ROBO1: variants seen among roughly 807,000 people sequenced by gnomAD.
The protein encoded by ROBO1 is roundabout homolog 1.
Under a neutral mutation model 195.9 loss-of-function variants are expected in ROBO1, and 149 were observed. That is an observed-to-expected ratio of 0.76 (90% CI 0.67 to 0.87). The LOEUF (loss-of-function observed/expected upper bound fraction) is 0.87, where lower values mean the gene tolerates loss of function less well. Ranked by LOEUF, ROBO1 falls within the 40% of genes least tolerant of loss-of-function variation. The probability of loss-of-function intolerance (pLI) is 0.00; values close to 1 mark genes in which losing one functional copy is unlikely to be tolerated. For missense variants in ROBO1, 1,933 were observed against 2,068.3 expected (o/e 0.93, Z 1.27); for synonymous variants, 816 against 733.2 (o/e 1.11, Z -1.82).
At chr3:79,264,174 T>C (rs2082991947) in intron 2 of ROBO1, among the ~76,000 whole-genome samples, 1 of 152,024 alleles carries the variant, frequency 6.6e-6, no homozygotes, top group Non-Finnish European at 1.5e-5. Flanking sequence ...TTCATCCTGC[T>C]TTTTCAACCC....
chr3:79,242,294 A>T (rs2082534172), intron 2 of ROBO1, among the ~76,000 whole-genome samples: 1 of 152,028 alleles, frequency 6.6e-6, no homozygotes, highest in African/African-American at 2.4e-5. Flanking sequence ...ATTCTCTTTT[A>T]TTTAACACAC....
At chr3:79,736,471 G>A (rs553152561) in intron 1 of ROBO1, among the ~76,000 whole-genome samples, 22 of 152,132 alleles carry the variant, frequency 1.4e-4, no homozygotes, top group Non-Finnish European at 2.8e-4. Flanking sequence ...CTATGGTGGG[G>A]AGGAACTAAC....
chr3:78,778,257 C>T (rs1232915058), intron 4 of ROBO1, among the ~76,000 whole-genome samples: 9 of 152,164 alleles, frequency 5.9e-5, no homozygotes, highest in South Asian at 4.1e-4. Context: ...AGAGGATTTT[C>T]GCATCGATGT....
At chr3:78,605,321 C>T (rs1703405807) in intron 29 of ROBO1, among the ~76,000 whole-genome samples, 2 of 152,152 alleles carry the variant, frequency 1.3e-5, no homozygotes, top group Non-Finnish European at 2.9e-5. Context: ...TATCTGCCTA[C>T]TCTCTAAGTA....
rs2077866311 is a variant in ROBO1, at chr3:79,014,332, G to A, written c.173-75405C>T. On this transcript the variant is annotated intron_variant, in intron 3 of 30. Coordinates refer to ENST00000464233, the MANE Select transcript of ROBO1 (RefSeq NM_002941.4). ...TACTAAAAATACAAAAACTAGCCTG[G>A]CATGGTGGTGGGCATCTGCAATTTC... is the stretch of plus-strand genomic sequence containing the variant. Among the ~76,000 whole-genome samples, 2 of 152,114 alleles carry A rather than the reference G, an allele frequency of 1.3e-5. 1 individual carries two copies. Among genetic ancestry groups the A allele is most frequent in the South Asian group, 4.1e-4 (2 of 4,820 alleles).
chr3:79,573,547 C>T (rs377671549), intron 2 of ROBO1, among the ~76,000 whole-genome samples: 3 of 152,200 alleles, frequency 2.0e-5, no homozygotes, highest in South Asian at 2.1e-4. Context: ...GGCTAATTAA[C>T]GCAACAGTGA....
intron 6 of ROBO1, 46 bp from the exon 7 acceptor site, chr3:78,717,459 C>CAA: frequency 6.4e-7 from 1 of 1,565,876 alleles, no homozygotes. Flanking sequence ...TAAAATGAAC[C>CAA]AGCTGAAAAA....
At chr3:78,646,315 A>G in intron 20 of ROBO1, 125 bp from the exon 21 acceptor site, 1 of 708,412 alleles carries the variant, frequency 1.4e-6, no homozygotes, top group South Asian at 2.1e-5. Flanking sequence ...AGCATTGCAA[A>G]AATCACATGA....
intron 3 of ROBO1, among the ~76,000 whole-genome samples, chr3:78,973,737 T>G (rs1013328855): frequency 6.6e-6 from 1 of 151,710 alleles, no homozygotes; most frequent in Non-Finnish European, 1.5e-5. Flanking sequence ...GAGGAAGTAA[T>G]GTTAGCTAAA....
intron 1 of ROBO1, among the ~76,000 whole-genome samples, chr3:79,758,149 C>A (rs993066702): frequency 6.6e-6 from 1 of 152,132 alleles, no homozygotes; most frequent in Non-Finnish European, 1.5e-5. Context: ...TTCATAAATT[C>A]ATCTCCTTCT....
Position 78,602,984 on chromosome 3 carries a change from A to G in ROBO1, c.4745-2675T>C, listed in dbSNP as rs963766265. ...GTGTATCCTTTCCACATGGTCCAAC[A>G]TACAACAAGTAAGTTTGATTTTGAC... On this transcript the variant is annotated intron_variant, in intron 29 of 30. Transcript: ENST00000464233. Among the ~76,000 whole-genome samples the G allele has an allele frequency of 2.6e-5, 4 of 152,204 alleles. No homozygotes were observed. In the South Asian group the frequency reaches 8.3e-4, roughly 31 times the overall value.
At chr3:78,786,510 G>T (rs2083839442) in intron 4 of ROBO1, among the ~76,000 whole-genome samples, 1 of 152,042 alleles carries the variant, frequency 6.6e-6, no homozygotes, top group Non-Finnish European at 1.5e-5. Flanking sequence ...TGGTTTTGCT[G>T]TGTCCCCACC....
At chr3:79,079,355 T>C (rs930240876) in intron 3 of ROBO1, among the ~76,000 whole-genome samples, 12 of 151,840 alleles carry the variant, frequency 7.9e-5, no homozygotes, top group African/African-American at 2.9e-4. Context: ...TATTGAATTT[T>C]AAATAGGAAT....
chr3:79,496,561 T>G (rs1939758030), intron 2 of ROBO1, among the ~76,000 whole-genome samples: 1 of 146,978 alleles, frequency 6.8e-6, no homozygotes, highest in Non-Finnish European at 1.5e-5. Flanking sequence ...TTTTTTGTAT[T>G]TTTTTTTAGT....
chr3:78,710,200 G>A lies in ROBO1; in HGVS notation c.1045+4197C>T, dbSNP rs560800233. On this transcript the variant is annotated intron_variant, in intron 8 of 30. Coordinates refer to ENST00000464233, the MANE Select transcript of ROBO1 (RefSeq NM_002941.4). ...TTTTCCTGCCTCAGCCCCCCATGTC[G>A]CTGGGACTACAGGTGCACACCAACA... 8.5e-4 allele frequency among the ~76,000 whole-genome samples: 129 copies of A among 152,150 alleles called. 1 individual carries two copies. Among genetic ancestry groups the A allele is most frequent in the African/African-American group, 2.9e-3 (119 of 41,498 alleles).
chr3:79,515,413 G>T (rs1940901403), intron 2 of ROBO1, among the ~76,000 whole-genome samples: 2 of 152,228 alleles, frequency 1.3e-5, no homozygotes, highest in Admixed American at 1.3e-4. Flanking sequence ...GAGCTGGCAT[G>T]TGAAAGGAGC....
At chr3:79,291,383 T>A (rs561751982) in intron 2 of ROBO1, among the ~76,000 whole-genome samples, 16 of 151,178 alleles carry the variant, frequency 1.1e-4, no homozygotes, top group Non-Finnish European at 2.1e-4. Flanking sequence ...CCAGCTCCCG[T>A]GTTATTTATG....
chr3:78,916,986 TAA>T (rs2038638728), intron 4 of ROBO1, among the ~76,000 whole-genome samples: 1 of 152,150 alleles, frequency 6.6e-6, no homozygotes, highest in Admixed American at 6.6e-5. Context: ...GCAAATCAGA[TAA>T]GTCTGAAATT....
intron 2 of ROBO1, among the ~76,000 whole-genome samples, chr3:79,583,672 G>A (rs1226522142): frequency 6.6e-6 from 1 of 151,744 alleles, no homozygotes; most frequent in Non-Finnish European, 1.5e-5. Context: ...GAGACATTTG[G>A]TATCATTAAT....
Sources: gnomAD v4.1 joint callset for allele counts (sites outside exome capture counted in the v4.1 genomes callset) on GRCh38, gnomAD v4.1.1 for gene constraint, MANE v1.5 for transcripts, NCBI Gene and HGNC (gene_info 2026-07-23, HGNC 2026-07-21) for gene names.